Variants in ABCB7 observed in about 807,000 individuals in gnomAD.
ABCB7 encodes iron-sulfur clusters transporter ABCB7, mitochondrial.
A neutral mutation model predicts 54.4 loss-of-function variants in ABCB7; 7 were observed. The observed-to-expected ratio is 0.13, with a 90% CI of 0.07 to 0.24. ABCB7 has a LOEUF of 0.24. Ranked by LOEUF, ABCB7 falls within the 10% of genes least tolerant of loss-of-function variation. The probability of loss-of-function intolerance (pLI) is 1.00; values close to 1 mark genes in which losing one functional copy is unlikely to be tolerated. For synonymous variants in ABCB7, 218 were observed against 207.1 expected, an observed-to-expected ratio of 1.05 and a Z score of -0.45; for missense variants, 356 against 570.4, an observed-to-expected ratio of 0.62 and a Z score of 3.83.
intron 1 of ABCB7, among the ~76,000 whole-genome samples, chrX:75,136,529 C>A (rs149807131): frequency 0.022 from 2,410 of 111,025 alleles, 72 homozygotes; most frequent in African/African-American, 0.075. Context: ...GCTCAAATAG[C>A]CAAAACAATC....
Position 75,086,832 on chromosome X carries a change from C to T in ABCB7, c.454-10178G>A, listed in dbSNP as rs1602356897. Among the ~76,000 whole-genome samples the T allele has an allele frequency of 3.6e-5, 4 of 111,518 alleles. 1 individual carries two copies. The Admixed American group carries it at 3.8e-4, about 11-fold the overall frequency. Reference sequence around the variant, plus strand: ...AAACAGAATGCAGCAAAGAAACCAGCCAAAACCAGCTAGATCCAAGATGGT... The same window carrying T: ...AAACAGAATGCAGCAAAGAAACCAGTCAAAACCAGCTAGATCCAAGATGGT... On this transcript the variant is annotated intron_variant, in intron 4 of 15. Transcript: ENST00000373394.
chrX:75,114,008 G>C (rs1370853517), intron 2 of ABCB7, among the ~76,000 whole-genome samples: 2 of 111,301 alleles, frequency 1.8e-5, no homozygotes, highest in African/African-American at 6.5e-5. Flanking sequence ...AAGAGAGTGA[G>C]GTCTTCAACA....
chrX:75,115,538 T>G (rs1319778376), intron 1 of ABCB7, among the ~76,000 whole-genome samples: 1 of 106,240 alleles, frequency 9.4e-6, no homozygotes, highest in Non-Finnish European at 1.9e-5. Context: ...CTCTCTTTAC[T>G]GTATTTTATT....
At chrX:75,122,861 G>GTGT (rs372924417) in intron 1 of ABCB7, among the ~76,000 whole-genome samples, 4 of 93,131 alleles carry the variant, frequency 4.3e-5, no homozygotes, top group African/African-American at 1.2e-4. Flanking sequence ...TTAAAATTGG[G>GTGT]GTGTGTGTGT....
chrX:75,086,830 A>G (rs1393454377), intron 4 of ABCB7, among the ~76,000 whole-genome samples: 1 of 111,756 alleles, frequency 8.9e-6, no homozygotes, highest in Non-Finnish European at 1.9e-5. Flanking sequence ...CAAAGAAACC[A>G]GCCAAAACCA....
At chrX:75,124,265 T>C (rs960203033) in intron 1 of ABCB7, among the ~76,000 whole-genome samples, 1 of 111,680 alleles carries the variant, frequency 9.0e-6, no homozygotes, top group Non-Finnish European at 1.9e-5. Flanking sequence ...CCTCTACCTC[T>C]AATAGTTTTT....
intron 12 of ABCB7, among the ~76,000 whole-genome samples, chrX:75,068,372 T>A (rs998329091): frequency 8.9e-6 from 1 of 111,792 alleles, no homozygotes; most frequent in African/African-American, 3.3e-5. Context: ...TCACATCCTA[T>A]AAGGCTATCT....
chrX:75,105,203 A>G (rs186393310), intron 3 of ABCB7, among the ~76,000 whole-genome samples: 2 of 111,263 alleles, frequency 1.8e-5, no homozygotes, highest in Non-Finnish European at 3.8e-5. Flanking sequence ...AGAAATAAAT[A>G]AAAAGCATCC....
At chrX:75,148,889 G>A (rs1370522133) in intron 1 of ABCB7, among the ~76,000 whole-genome samples, 1 of 111,477 alleles carries the variant, frequency 9.0e-6, no homozygotes, top group African/African-American at 3.3e-5. Flanking sequence ...ACATGTACAT[G>A]CACAGTTATT....
At position 75,051,957 on chromosome X, in the gene ABCB7, T is replaced by G. The variant is rs1483687988; in HGVS notation, c.*1413A>C. 8.9e-6 allele frequency: 1 copy of G among 112,238 alleles called. No homozygotes were observed. The highest frequency in any genetic ancestry group is 1.9e-5 in the Non-Finnish European group (1 of 53,259). 9.2% of individuals were successfully genotyped at this position (112,238 alleles called of 1,213,427 possible). A position where few individuals can be genotyped will look rare whatever the true frequency, so the allele number is the denominator to read the frequency against. ...TAAGCTTTTCAGATTACTCCCAGTA[T>G]AGCAACTTTCAAATTACATAGGAGT... On this transcript the variant is annotated 3_prime_UTR_variant, in exon 16 of 16. Transcript: ENST00000373394.
chrX:75,126,313 A>G (rs763150608), intron 1 of ABCB7, among the ~76,000 whole-genome samples: 1 of 112,278 alleles, frequency 8.9e-6, no homozygotes, highest in Non-Finnish European at 1.9e-5. Flanking sequence ...AGATGCAGGC[A>G]TAAGTTTTGG....
chrX:75,069,594 C>A, intron 10 of ABCB7, 140 bp from the exon 11 acceptor site: 1 of 631,131 alleles, frequency 1.6e-6, no homozygotes, highest in Non-Finnish European at 2.4e-6. Flanking sequence ...CACTTCCAAG[C>A]ATGCATTTAA....
intron 15 of ABCB7, among the ~76,000 whole-genome samples, chrX:75,054,257 A>C (rs139440298): frequency 0.018 from 1,985 of 112,115 alleles, 49 homozygotes; most frequent in African/African-American, 0.061. Flanking sequence ...TAAACCCTTA[A>C]GTAAAATAAC....
At chrX:75,146,292 C>T in intron 1 of ABCB7, among the ~76,000 whole-genome samples, 1 of 112,052 alleles carries the variant, frequency 8.9e-6, no homozygotes, top group Non-Finnish European at 1.9e-5. Flanking sequence ...TGGTAATTGA[C>T]ATTGTTCACA....
intron 1 of ABCB7, among the ~76,000 whole-genome samples, chrX:75,131,169 C>T (rs2081971192): frequency 9.2e-6 from 1 of 108,588 alleles, no homozygotes; most frequent in African/African-American, 3.4e-5. Flanking sequence ...TTACAAATAA[C>T]ATGAAGTAAA....
At chrX:75,099,443 C>T (rs550251935) in intron 3 of ABCB7, among the ~76,000 whole-genome samples, 2 of 111,381 alleles carry the variant, frequency 1.8e-5, no homozygotes, top group South Asian at 7.5e-4. Context: ...TACATTTTGG[C>T]TATTTGTCAG....
chrX:75,073,624 T>A (rs777535966), intron 8 of ABCB7, 65 bp downstream of exon 8: 4 of 901,640 alleles, frequency 4.4e-6, no homozygotes, highest in Non-Finnish European at 6.5e-6. Context: ...ACCTATTAAA[T>A]TAAATGGTAG....
intron 1 of ABCB7, among the ~76,000 whole-genome samples, chrX:75,124,285 A>G (rs1436847889): frequency 8.9e-6 from 1 of 111,956 alleles, no homozygotes; most frequent in African/African-American, 3.2e-5. Flanking sequence ...TCCTTTATCT[A>G]CCAAATGTTC....
At chrX:75,120,410 A>G (rs1247002639) in intron 1 of ABCB7, among the ~76,000 whole-genome samples, 1 of 109,961 alleles carries the variant, frequency 9.1e-6, no homozygotes, top group Non-Finnish European at 1.9e-5. Flanking sequence ...CAGGAGTTTG[A>G]GACCAGCCTG....
Sources: allele counts gnomAD v4.1 joint callset (sites outside exome capture counted in the v4.1 genomes callset), GRCh38; gene constraint gnomAD v4.1.1; transcripts MANE v1.5; gene names NCBI Gene and HGNC (gene_info 2026-07-23, HGNC 2026-07-21).